DAB1: variants seen among roughly 807,000 people sequenced by gnomAD.
DAB1 encodes DAB adaptor protein 1.
A neutral mutation model predicts 64.6 loss-of-function variants in DAB1; 15 were observed. The ratio of observed to expected loss-of-function variants is 0.23; its 90% confidence interval spans 0.16 to 0.36. The LOEUF (loss-of-function observed/expected upper bound fraction) is 0.36. Among genes scored for constraint, DAB1 ranks in the 10% least tolerant of loss-of-function variants. DAB1 has a pLI of 1.00. For missense variants in DAB1, 596 were observed against 706.7 expected (o/e 0.84, Z 1.78); for synonymous variants, 235 against 251.9 (o/e 0.93, Z 0.64).
At chr1:58,419,954 C>A (rs1407725094) in intron 3 of DAB1, among the ~76,000 whole-genome samples, 1 of 152,184 alleles carries the variant, frequency 6.6e-6, no homozygotes, top group Non-Finnish European at 1.5e-5. Context: ...AAAGTAGCAG[C>A]TACCTACTTT....
At chr1:57,989,793 C>T (rs1320826796) in intron 5 of DAB1, among the ~76,000 whole-genome samples, 1 of 152,156 alleles carries the variant, frequency 6.6e-6, no homozygotes, top group African/African-American at 2.4e-5. Context: ...TTTGAGCTTA[C>T]TCAATTGGCT....
At chr1:57,088,015 G>T (rs2100649557) in intron 4 of DAB1, among the ~76,000 whole-genome samples, 1 of 152,304 alleles carries the variant, frequency 6.6e-6, no homozygotes, top group South Asian at 2.1e-4. Flanking sequence ...TTCTTCGCTA[G>T]GCCTCAACCT....
intron 5 of DAB1, among the ~76,000 whole-genome samples, chr1:58,087,503 C>T (rs1050086131): frequency 6.6e-6 from 1 of 152,172 alleles, no homozygotes; most frequent in Admixed American, 6.5e-5. Context: ...ATTGGAGGAG[C>T]TTGATCTGAT....
intron 3 of DAB1, among the ~76,000 whole-genome samples, chr1:58,373,076 T>G (rs6658291): frequency 4.6e-5 from 7 of 152,082 alleles, no homozygotes; most frequent in Non-Finnish European, 7.4e-5. Context: ...TACTACTTTT[T>G]GTAGTTCTCC....
intron 6 of DAB1, among the ~76,000 whole-genome samples, chr1:57,655,306 C>A (rs1474338317): frequency 6.6e-6 from 1 of 151,888 alleles, no homozygotes. Flanking sequence ...ACATCCAACC[C>A]ATCCATCTAT....
chr1:57,748,547 G>C (rs1408092350), intron 6 of DAB1, among the ~76,000 whole-genome samples: 6 of 152,078 alleles, frequency 3.9e-5, no homozygotes, highest in Non-Finnish European at 8.8e-5. Context: ...CACTAGTGTT[G>C]TCACAAAACT....
intron 5 of DAB1, among the ~76,000 whole-genome samples, chr1:57,904,012 T>C (rs1470053858): frequency 6.6e-6 from 1 of 152,220 alleles, no homozygotes; most frequent in Non-Finnish European, 1.5e-5. Flanking sequence ...TTCAAATTCA[T>C]ACATCTTCCT....
intron 4 of DAB1, among the ~76,000 whole-genome samples, chr1:57,079,290 T>C (rs992371036): frequency 2.0e-5 from 3 of 152,160 alleles, no homozygotes; most frequent in Non-Finnish European, 4.4e-5. Context: ...CTAACCCTCC[T>C]TGAGCCCATT....
chr1:58,190,870 T>C (rs1657352963), intron 4 of DAB1, among the ~76,000 whole-genome samples: 1 of 152,208 alleles, frequency 6.6e-6, no homozygotes, highest in Non-Finnish European at 1.5e-5. Flanking sequence ...AGAACCGTGT[T>C]CTAGCTGATG....
Position 57,317,767 on chromosome 1 carries a change from A to G in DAB1, c.-136-26601T>C, listed in dbSNP as rs371526299. ...GAAGATCTCCAGGTGATTTACAGGT[A>G]CATCAACACTTGAGAAACACTAGTC... On this transcript the variant is annotated intron_variant, in intron 1 of 14. Transcript: ENST00000371236. 1.2e-4 allele frequency among the ~76,000 whole-genome samples: 19 copies of G among 152,298 alleles called. No homozygotes were observed. In the East Asian group the frequency reaches 2.3e-3, roughly 19 times the overall value.
chr1:57,372,589 G>C (rs192797293), intron 1 of DAB1, among the ~76,000 whole-genome samples: 1 of 151,434 alleles, frequency 6.6e-6, no homozygotes, highest in East Asian at 1.9e-4. Context: ...AGCATGTTTT[G>C]GCACACAAGC....
chr1:57,379,058 T>A (rs563011945), intron 1 of DAB1, among the ~76,000 whole-genome samples: 1 of 152,310 alleles, frequency 6.6e-6, no homozygotes, highest in South Asian at 2.1e-4. Flanking sequence ...TCTTTAACTG[T>A]GCTGTGGGTA....
chr1:57,316,711 T>G (rs188569895), intron 1 of DAB1, among the ~76,000 whole-genome samples: 2 of 152,340 alleles, frequency 1.3e-5, no homozygotes, highest in Admixed American at 1.3e-4. Context: ...GAGAACCATT[T>G]AGGCCAATCC....
chr1:58,335,733 C>A (rs1663098984), intron 4 of DAB1, among the ~76,000 whole-genome samples: 2 of 152,108 alleles, frequency 1.3e-5, no homozygotes, highest in Admixed American at 6.6e-5. Context: ...TCGATTCTTG[C>A]TGATACACTG....
At chr1:58,222,916 G>A (rs1312742515) in intron 4 of DAB1, among the ~76,000 whole-genome samples, 1 of 152,206 alleles carries the variant, frequency 6.6e-6, no homozygotes, top group Non-Finnish European at 1.5e-5. Flanking sequence ...GCTCAGAGGT[G>A]AAGGGACCAA....
intron 5 of DAB1, among the ~76,000 whole-genome samples, chr1:57,926,776 T>C (rs115878785): frequency 2.6e-3 from 398 of 152,362 alleles, no homozygotes; most frequent in African/African-American, 9.0e-3. Context: ...TCATGGGACA[T>C]TGAATCTTCT....
At chr1:58,433,739 A>C (rs1644911368) in intron 3 of DAB1, among the ~76,000 whole-genome samples, 1 of 152,058 alleles carries the variant, frequency 6.6e-6, no homozygotes, top group Admixed American at 6.6e-5. Context: ...TTCACACAAT[A>C]ACCCATTCCT....
At chr1:57,015,989 G>T (rs1646417869) in intron 11 of DAB1, among the ~76,000 whole-genome samples, 1 of 152,184 alleles carries the variant, frequency 6.6e-6, no homozygotes, top group African/African-American at 2.4e-5. Flanking sequence ...AATTTGGGGA[G>T]CAGTTCTTAA....
At chr1:57,267,884 T>C (rs1182354496) in intron 2 of DAB1, among the ~76,000 whole-genome samples, 1 of 152,220 alleles carries the variant, frequency 6.6e-6, no homozygotes, top group Non-Finnish European at 1.5e-5. Flanking sequence ...CCCATGCTGC[T>C]GTGCTATGAG....
Sources: allele counts gnomAD v4.1 joint callset (sites outside exome capture counted in the v4.1 genomes callset), GRCh38; gene constraint gnomAD v4.1.1; transcripts MANE v1.5; gene names NCBI Gene and HGNC (gene_info 2026-07-23, HGNC 2026-07-21).